Variants in MYLK observed in about 807,000 individuals in gnomAD.
The protein encoded by MYLK is myosin light chain kinase, smooth muscle.
MYLK carries 106 observed loss-of-function variants against 203.4 expected under a neutral mutation model. The observed-to-expected ratio is 0.52, with a 90% CI of 0.45 to 0.61. The LOEUF is 0.61. MYLK is among the 20% of genes least tolerant of loss of function. The pLI is 0.00. For synonymous variants in MYLK, 867 were observed against 959.5 expected (o/e 0.90, Z 1.78); for missense variants, 2,072 against 2,442.3 (o/e 0.85, Z 3.20).
chr3:123,669,568 C>T (rs777034149), intron 20 of MYLK, among the ~76,000 whole-genome samples: 2 of 151,626 alleles, frequency 1.3e-5, no homozygotes, highest in Non-Finnish European at 2.9e-5. Flanking sequence ...AGAGATTGTT[C>T]TTGTTTTTAG....
intron 2 of MYLK, among the ~76,000 whole-genome samples, chr3:123,846,522 C>T (rs2030026342): frequency 6.6e-6 from 1 of 152,108 alleles, no homozygotes; most frequent in South Asian, 2.1e-4. Flanking sequence ...CTGCAATGAA[C>T]ACTTTAATAT....
chr3:123,682,338 T>TGGAAACAGAGATGGGACAGTTTAAATTA, intron 19 of MYLK, 28 bp from the exon 20 acceptor site: 2 of 1,535,638 alleles, frequency 1.3e-6, no homozygotes, highest in Non-Finnish European at 1.8e-6. Context: ...ACAATAAATG[T>TGGAAACAGAGATGGGACAGTTTAAATTA]TAGCAGCTGC....
At chr3:123,881,798 T>C (rs2033559336) in intron 1 of MYLK, among the ~76,000 whole-genome samples, 1 of 152,210 alleles carries the variant, frequency 6.6e-6, no homozygotes, top group South Asian at 2.1e-4. Flanking sequence ...TCTATGCCTC[T>C]GAGACCAGCA....
chr3:123,749,410 T>C (rs934773935), intron 5 of MYLK, among the ~76,000 whole-genome samples: 1 of 152,224 alleles, frequency 6.6e-6, no homozygotes, highest in African/African-American at 2.4e-5. Flanking sequence ...CCAAGCCTCA[T>C]GACCTGACCT....
intron 13 of MYLK, among the ~76,000 whole-genome samples, chr3:123,721,022 C>T (rs981873124): frequency 3.3e-5 from 5 of 152,194 alleles, no homozygotes; most frequent in African/African-American, 4.8e-5. Flanking sequence ...ATTCAATTCC[C>T]GAGACTTCCA....
intron 30 of MYLK, among the ~76,000 whole-genome samples, chr3:123,627,558 A>C (rs1312829082): frequency 6.6e-6 from 1 of 152,240 alleles, no homozygotes; most frequent in Non-Finnish European, 1.5e-5. Context: ...TTTTAGAGCC[A>C]TTGCCTTAAC....
intron 17 of MYLK, 59 bp from the exon 18 acceptor site, chr3:123,701,064 G>A: frequency 1.5e-6 from 2 of 1,353,294 alleles, no homozygotes; most frequent in Non-Finnish European, 2.0e-6. Flanking sequence ...GGGTAAGAAA[G>A]AAACTTCAGG....
intron 3 of MYLK, among the ~76,000 whole-genome samples, chr3:123,794,231 C>A (rs928347676): frequency 3.3e-5 from 5 of 152,146 alleles, no homozygotes; most frequent in African/African-American, 7.2e-5. Flanking sequence ...TCTTCAGGAC[C>A]AACATCTACA....
In MYLK at chr3:123,666,815, C is replaced by T. The variant is rs563697869; in HGVS notation, c.3703+322G>A. ...AATAGCCCCAAGAGGGTCATGTACA[C>T]AAGGGTAGGGCAGAGGATGGACAGC... On this transcript the variant is annotated intron_variant, in intron 21 of 33. Transcript: ENST00000360304. 1.8e-5 allele frequency: 10 copies of T among 562,970 alleles called. No homozygotes were observed. In the South Asian group the frequency reaches 2.1e-4, roughly 12 times the overall value. The allele number at this position is 562,970 out of a possible 1,614,324, so 34.9% of individuals were successfully genotyped here. A position where few individuals can be genotyped will look rare whatever the true frequency, so the allele number is the denominator to read the frequency against.
intron 2 of MYLK, among the ~76,000 whole-genome samples, chr3:123,850,566 C>A (rs1233844865): frequency 2.0e-5 from 3 of 152,122 alleles, no homozygotes; most frequent in Non-Finnish European, 1.5e-5. Context: ...CTGTTCATAT[C>A]CTTTGCCCAC....
At chr3:123,680,112 C>T (rs2060211458) in intron 20 of MYLK, among the ~76,000 whole-genome samples, 9 of 152,230 alleles carry the variant, frequency 5.9e-5, no homozygotes, top group Admixed American at 5.9e-4. Flanking sequence ...ATATAACACA[C>T]AGCCAGGGGT....
At chr3:123,671,469 G>A (rs1039468222) in intron 20 of MYLK, among the ~76,000 whole-genome samples, 1 of 152,166 alleles carries the variant, frequency 6.6e-6, no homozygotes, top group African/African-American at 2.4e-5. Context: ...CTGAGAGCAG[G>A]AGGAGTGTCG....
intron 4 of MYLK, among the ~76,000 whole-genome samples, chr3:123,780,927 C>T (rs1004664988): frequency 2.6e-5 from 4 of 152,104 alleles, no homozygotes; most frequent in Non-Finnish European, 5.9e-5. Flanking sequence ...CAGGAAAGCC[C>T]CAGGGTGATT....
rs571723110 is a variant in MYLK, at chr3:123,814,783, C to T, written c.-4+16765G>A. ...AACAGTTTCATGGACATAAACTGAT[C>T]CTTTCTTTCTTTCTTTCTTTCTTTT... On this transcript the variant is annotated intron_variant, in intron 3 of 33. Transcript: ENST00000360304. Among the ~76,000 whole-genome samples, 56 of 151,844 alleles carry T rather than the reference C, an allele frequency of 3.7e-4. 1 individual carries two copies. The South Asian group carries it at 0.011, about 30-fold the overall frequency.
At chr3:123,807,301 C>T (rs1162952309) in intron 3 of MYLK, among the ~76,000 whole-genome samples, 7 of 151,944 alleles carry the variant, frequency 4.6e-5, no homozygotes, top group Admixed American at 2.6e-4. Context: ...TGGTGGCAGG[C>T]GCCTGTAATC....
At chr3:123,655,018 T>A (rs1304886685) in intron 24 of MYLK, among the ~76,000 whole-genome samples, 1 of 152,104 alleles carries the variant, frequency 6.6e-6, no homozygotes, top group Non-Finnish European at 1.5e-5. Context: ...ACGCCCGGCC[T>A]CTTATCCTAA....
chr3:123,619,191 A>G (rs1280161542), intron 32 of MYLK, among the ~76,000 whole-genome samples: 1 of 152,358 alleles, frequency 6.6e-6, no homozygotes, highest in East Asian at 1.9e-4. Context: ...GGGAGGAGTC[A>G]GGTCCTAGCC....
At chr3:123,857,357 T>C (rs1418857067) in intron 2 of MYLK, among the ~76,000 whole-genome samples, 1 of 151,950 alleles carries the variant, frequency 6.6e-6, no homozygotes, top group South Asian at 2.1e-4. Context: ...CGTATGTTTA[T>C]TGCGGCTCTA....
chr3:123,624,338 A>G (rs1412315634), intron 31 of MYLK: 1 of 151,510 alleles, frequency 6.6e-6, no homozygotes, highest in Non-Finnish European at 1.5e-5. Context: ...AAAAAAAAAA[A>G]AAAAAATCAG....
Sources: allele counts gnomAD v4.1 joint callset (sites outside exome capture counted in the v4.1 genomes callset), GRCh38; gene constraint gnomAD v4.1.1; transcripts MANE v1.5; gene names NCBI Gene and HGNC (gene_info 2026-07-23, HGNC 2026-07-21).